The following ATP8A2 variants were observed in gnomAD, a reference collection of about 807,000 sequenced individuals.
The protein encoded by ATP8A2 is ATPase phospholipid transporting 8A2.
ATP8A2 carries 100 observed loss-of-function variants against 165.6 expected under a neutral mutation model. That is an observed-to-expected ratio of 0.60 (90% CI 0.51 to 0.71). The LOEUF (loss-of-function observed/expected upper bound fraction) is 0.71. ATP8A2 is among the 30% of genes least tolerant of loss of function. The pLI, the probability that ATP8A2 is intolerant of heterozygous loss-of-function variation, is 0.00. For missense variants in ATP8A2, 1,227 were observed against 1,479.5 expected (o/e 0.83, Z 2.80); for synonymous variants, 543 against 548.8 (o/e 0.99, Z 0.15).
chr13:25,901,835 C>G (rs1280338258), intron 33 of ATP8A2, among the ~76,000 whole-genome samples: 1 of 152,210 alleles, frequency 6.6e-6, no homozygotes, highest in African/African-American at 2.4e-5. Flanking sequence ...TGTGAATGAT[C>G]ATTACTCATT....
intron 24 of ATP8A2, among the ~76,000 whole-genome samples, chr13:25,616,695 A>C (rs566241580): frequency 1.3e-5 from 2 of 152,084 alleles, no homozygotes; most frequent in Non-Finnish European, 2.9e-5. Flanking sequence ...ATAATTTCCT[A>C]TTTGGGAGCT....
intron 26 of ATP8A2, among the ~76,000 whole-genome samples, chr13:25,773,889 C>T (rs745811281): frequency 3.3e-5 from 5 of 151,838 alleles, no homozygotes; most frequent in Non-Finnish European, 7.4e-5. Flanking sequence ...TGTGTACATC[C>T]GTGTGTGTCT....
chr13:26,019,853 T>C, intron 36 of ATP8A2, 35 bp from the exon 37 acceptor site: 2 of 1,503,898 alleles, frequency 1.3e-6, no homozygotes, highest in Non-Finnish European at 1.9e-6. Flanking sequence ...CCAATTCTCC[T>C]GTTAACCAGT....
At chr13:25,513,178 G>A (rs1442484568) in intron 2 of ATP8A2, among the ~76,000 whole-genome samples, 44 of 151,860 alleles carry the variant, frequency 2.9e-4, no homozygotes, top group African/African-American at 9.9e-4. Context: ...GCTGCCGGGC[G>A]GAGAGGCTCC....
intron 27 of ATP8A2, among the ~76,000 whole-genome samples, chr13:25,796,899 T>A (rs532632034): frequency 2.0e-4 from 30 of 152,330 alleles, no homozygotes; most frequent in African/African-American, 6.7e-4. Flanking sequence ...TATACTTTGA[T>A]CAAATGAATA....
intron 33 of ATP8A2, among the ~76,000 whole-genome samples, chr13:25,921,974 G>T (rs1185073128): frequency 6.6e-6 from 1 of 152,200 alleles, no homozygotes; most frequent in East Asian, 1.9e-4. Flanking sequence ...AAAACCATTT[G>T]TTAGATTTTG....
chr13:25,644,816 T>C (rs2041628136), intron 24 of ATP8A2, among the ~76,000 whole-genome samples: 1 of 152,170 alleles, frequency 6.6e-6, no homozygotes, highest in Admixed American at 6.6e-5. Context: ...CCACTTATTC[T>C]AGGTTATCCA....
intron 33 of ATP8A2, among the ~76,000 whole-genome samples, chr13:25,891,239 G>T (rs1390543483): frequency 6.6e-6 from 1 of 152,154 alleles, no homozygotes; most frequent in Admixed American, 6.5e-5. Context: ...GCAAAGTTAC[G>T]CCACTCGAAA....
At chr13:25,599,062 G>C (rs2040311913) in intron 24 of ATP8A2, among the ~76,000 whole-genome samples, 2 of 151,914 alleles carry the variant, frequency 1.3e-5, no homozygotes, top group Non-Finnish European at 2.9e-5. Context: ...AGCACTGATA[G>C]TTGTTCTTTT....
intron 33 of ATP8A2, among the ~76,000 whole-genome samples, chr13:25,940,958 T>G (rs772274167): frequency 2.9e-4 from 44 of 152,268 alleles, no homozygotes; most frequent in Non-Finnish European, 4.7e-4. Context: ...GCACGTGCCA[T>G]GGTGTGCGGT....
chr13:25,559,572 G>T, intron 14 of ATP8A2, 149 bp from the exon 15 acceptor site: 1 of 644,672 alleles, frequency 1.6e-6, no homozygotes, highest in Non-Finnish European at 2.7e-6. Context: ...CAAAAAAAGT[G>T]GTTTATTTCT....
At chr13:25,725,790 G>T (rs2043480999) in intron 25 of ATP8A2, among the ~76,000 whole-genome samples, 1 of 152,132 alleles carries the variant, frequency 6.6e-6, no homozygotes, top group South Asian at 2.1e-4. Context: ...GATCAATCTT[G>T]TAGCTTTTAA....
At chr13:25,688,507 A>C (rs880604) in intron 24 of ATP8A2, among the ~76,000 whole-genome samples, 12,967 of 152,150 alleles carry the variant, frequency 0.085, 605 homozygotes, top group Non-Finnish European at 0.11. Flanking sequence ...TCACTTACTG[A>C]TTTTTAAAGT....
chr13:25,736,781 C>T (rs1018636139), intron 25 of ATP8A2, among the ~76,000 whole-genome samples: 2 of 152,138 alleles, frequency 1.3e-5, no homozygotes, highest in Non-Finnish European at 1.5e-5. Flanking sequence ...AGATGATTAT[C>T]AACAGGCAGG....
chr13:25,756,611 G>A (rs946758570), intron 25 of ATP8A2, among the ~76,000 whole-genome samples: 4 of 152,160 alleles, frequency 2.6e-5, no homozygotes, highest in Admixed American at 2.0e-4. Flanking sequence ...CACTTCTTAG[G>A]TTGTGACCTC....
At chr13:25,536,642 C>T (rs1253928597) in intron 6 of ATP8A2, among the ~76,000 whole-genome samples, 3 of 152,174 alleles carry the variant, frequency 2.0e-5, no homozygotes, top group Non-Finnish European at 4.4e-5. Context: ...AGTTTCGTAT[C>T]ACTTGAAATT....
At chr13:25,537,770 A>G (rs1180245643) in intron 6 of ATP8A2, among the ~76,000 whole-genome samples, 3 of 151,996 alleles carry the variant, frequency 2.0e-5, no homozygotes. Flanking sequence ...TTCCTTTTTT[A>G]TTAAACATCA....
At chr13:25,985,901 C>T (rs112957231) in intron 35 of ATP8A2, among the ~76,000 whole-genome samples, 13,588 of 152,246 alleles carry the variant, frequency 0.089, 1,536 homozygotes, top group African/African-American at 0.27. Flanking sequence ...TATCCATGCT[C>T]TTCAGCAGTG....
chr13:25,850,269 C>T (rs989889402), intron 30 of ATP8A2, among the ~76,000 whole-genome samples: 3 of 152,206 alleles, frequency 2.0e-5, no homozygotes, highest in Non-Finnish European at 4.4e-5. Context: ...TTGGAGAACA[C>T]AGGTTTGGTG....
Sources: allele counts gnomAD v4.1 joint callset (sites outside exome capture counted in the v4.1 genomes callset), GRCh38; gene constraint gnomAD v4.1.1; transcripts MANE v1.5; gene names NCBI Gene and HGNC (gene_info 2026-07-23, HGNC 2026-07-21).